The following TRAPPC9 variants were observed in gnomAD, a reference collection of about 807,000 sequenced individuals.
The protein encoded by TRAPPC9 is trafficking protein particle complex subunit 9.
A neutral mutation model predicts 124.0 loss-of-function variants in TRAPPC9; 83 were observed. The observed-to-expected ratio is 0.67, with a 90% CI of 0.56 to 0.80. The LOEUF (loss-of-function observed/expected upper bound fraction) is 0.80, where lower values mean the gene tolerates loss of function less well. TRAPPC9 is among the 30% of genes least tolerant of loss of function. TRAPPC9 has a pLI of 0.00. For missense variants in TRAPPC9, 1,302 were observed against 1,508.3 expected (o/e 0.86, Z 2.27); for synonymous variants, 638 against 617.5 (o/e 1.03, Z -0.49).
chr8:140,382,180 G>C (rs1248448269), intron 7 of TRAPPC9, among the ~76,000 whole-genome samples: 2 of 152,228 alleles, frequency 1.3e-5, no homozygotes, highest in African/African-American at 2.4e-5. Flanking sequence ...TGGCCGAATA[G>C]GAACAGCTCC....
intron 9 of TRAPPC9, among the ~76,000 whole-genome samples, chr8:140,329,676 C>A (rs955716456): frequency 2.2e-4 from 33 of 152,138 alleles, no homozygotes; most frequent in African/African-American, 7.5e-4. Flanking sequence ...CTCTTTCTAC[C>A]ATATTAAGCA....
intron 17 of TRAPPC9, among the ~76,000 whole-genome samples, chr8:140,031,046 C>T (rs1164171558): frequency 1.3e-5 from 2 of 152,130 alleles, no homozygotes; most frequent in African/African-American, 2.4e-5. Context: ...TGATCCTGAC[C>T]ATTAATAGAC....
At chr8:140,259,967 G>T (rs2064361758) in intron 15 of TRAPPC9, among the ~76,000 whole-genome samples, 1 of 152,182 alleles carries the variant, frequency 6.6e-6, no homozygotes, top group African/African-American at 2.4e-5. Context: ...CCAACTACAT[G>T]AAAACACTGA....
chr8:140,026,038 A>G (rs1840126926), intron 17 of TRAPPC9, among the ~76,000 whole-genome samples: 2 of 152,048 alleles, frequency 1.3e-5, no homozygotes, highest in African/African-American at 4.8e-5. Flanking sequence ...GGCACCCACC[A>G]TGCTACTTTT....
intron 17 of TRAPPC9, among the ~76,000 whole-genome samples, chr8:140,028,090 C>T (rs1563701501): frequency 6.6e-6 from 1 of 151,548 alleles, no homozygotes; most frequent in East Asian, 1.9e-4. Flanking sequence ...CCAGAAATAA[C>T]AAAAAAAGGC....
At chr8:139,743,965 C>T (rs745737177) in intron 21 of TRAPPC9, among the ~76,000 whole-genome samples, 11 of 152,162 alleles carry the variant, frequency 7.2e-5, no homozygotes, top group African/African-American at 2.7e-4. Context: ...CCTAAAGCAC[C>T]ATGTTGGCCT....
intron 21 of TRAPPC9, among the ~76,000 whole-genome samples, chr8:139,806,788 G>C (rs1824096844): frequency 6.6e-6 from 1 of 152,258 alleles, no homozygotes; most frequent in African/African-American, 2.4e-5. Flanking sequence ...TTGCATCAAA[G>C]CTGCACCCTT....
At chr8:140,084,567 A>C (rs1227594684) in intron 17 of TRAPPC9, among the ~76,000 whole-genome samples, 1 of 152,236 alleles carries the variant, frequency 6.6e-6, no homozygotes, top group Non-Finnish European at 1.5e-5. Context: ...GGAAATCAGA[A>C]TGTATCACTT....
Position 140,027,242 on chromosome 8 carries a change from T to C in TRAPPC9, c.2557-3163A>G, listed in dbSNP as rs546834354. On this transcript the variant is annotated intron_variant, in intron 17 of 22. Coordinates refer to ENST00000438773, the MANE Select transcript of TRAPPC9 (RefSeq NM_001160372.4). Reference sequence around the variant, plus strand: ...GCTCTGTAAATGCTGAGTGAGGCAATGTATGACTAAATTAAATAATAAATA... The same window carrying C: ...GCTCTGTAAATGCTGAGTGAGGCAACGTATGACTAAATTAAATAATAAATA... Among the ~76,000 whole-genome samples, 118 of 152,308 alleles carry C rather than the reference T, an allele frequency of 7.7e-4. 1 individual carries two copies. The highest frequency in any genetic ancestry group is 2.7e-3 in the African/African-American group (113 of 41,562).
At chr8:140,033,690 T>TG (rs1316443549) in intron 17 of TRAPPC9, among the ~76,000 whole-genome samples, 3 of 106,780 alleles carry the variant, frequency 2.8e-5, no homozygotes, top group African/African-American at 5.0e-5. Context: ...TTTTTTTTTT[T>TG]TTTTTTTTTG....
intron 21 of TRAPPC9, among the ~76,000 whole-genome samples, chr8:139,816,794 C>T (rs551347001): frequency 5.9e-5 from 9 of 152,168 alleles, no homozygotes; most frequent in African/African-American, 1.7e-4. Flanking sequence ...GTCTTGGGTC[C>T]GCCAACTCCT....
intron 1 of TRAPPC9, among the ~76,000 whole-genome samples, chr8:140,454,290 A>G (rs1287590436): frequency 1.3e-5 from 2 of 151,822 alleles, no homozygotes; most frequent in Admixed American, 1.3e-4. Context: ...CTCCATCTCA[A>G]AAAAATTAAT....
chr8:140,251,702 G>C (rs2064135573), intron 16 of TRAPPC9, among the ~76,000 whole-genome samples: 1 of 152,184 alleles, frequency 6.6e-6, no homozygotes, highest in South Asian at 2.1e-4. Context: ...AGGGTTAGAT[G>C]AAGCAATGGA....
At chr8:140,447,272 A>C (rs2071298463) in intron 2 of TRAPPC9, among the ~76,000 whole-genome samples, 1 of 152,236 alleles carries the variant, frequency 6.6e-6, no homozygotes. Flanking sequence ...ACCTGCTAAA[A>C]AAAAGCTAAA....
intron 21 of TRAPPC9, among the ~76,000 whole-genome samples, chr8:139,863,097 G>A (rs1044391154): frequency 2.7e-4 from 41 of 152,276 alleles, no homozygotes; most frequent in African/African-American, 9.6e-4. Flanking sequence ...CATTTGGCGT[G>A]TCTTCTCCGG....
At chr8:139,827,527 C>T (rs998372586) in intron 21 of TRAPPC9, among the ~76,000 whole-genome samples, 2 of 152,208 alleles carry the variant, frequency 1.3e-5, no homozygotes, top group Admixed American at 1.3e-4. Context: ...TTGGCTTCCC[C>T]GGGAGCTGGG....
chr8:140,250,502 T>G (rs1030978514), intron 16 of TRAPPC9, among the ~76,000 whole-genome samples: 5 of 152,124 alleles, frequency 3.3e-5, no homozygotes, highest in African/African-American at 9.7e-5. Context: ...GTCTCCCAGT[T>G]CCCAGAGGCC....
intron 17 of TRAPPC9, among the ~76,000 whole-genome samples, chr8:140,206,171 C>T (rs138090111): frequency 2.1e-3 from 322 of 152,258 alleles, no homozygotes; most frequent in African/African-American, 7.5e-3. Context: ...TCAAAAGATA[C>T]ATAATAAGCA....
chr8:139,882,270 C>T (rs1003187466), intron 21 of TRAPPC9, among the ~76,000 whole-genome samples: 6 of 152,122 alleles, frequency 3.9e-5, no homozygotes, highest in Admixed American at 3.3e-4. Context: ...CGTGTGAGGT[C>T]GCCATGGGAG....
Sources: allele counts gnomAD v4.1 joint callset (sites outside exome capture counted in the v4.1 genomes callset), GRCh38; gene constraint gnomAD v4.1.1; transcripts MANE v1.5; gene names NCBI Gene and HGNC (gene_info 2026-07-23, HGNC 2026-07-21).